The following FAM168A variants were observed in gnomAD, a reference collection of about 807,000 sequenced individuals.
FAM168A encodes protein FAM168A.
A neutral mutation model predicts 28.5 loss-of-function variants in FAM168A; 3 were observed. The ratio of observed to expected loss-of-function variants is 0.11; its 90% CI spans 0.05 to 0.27. The LOEUF (loss-of-function observed/expected upper bound fraction) is 0.27, where lower values mean the gene tolerates loss of function less well. Among genes scored for constraint, FAM168A ranks in the 10% least tolerant of loss-of-function variants. The pLI, the probability that FAM168A is intolerant of heterozygous loss-of-function variation, is 1.00. For synonymous variants in FAM168A, 122 were observed against 124.2 expected, an observed-to-expected ratio of 0.98 and a Z score of 0.12; for missense variants, 222 against 311.5, an observed-to-expected ratio of 0.71 and a Z score of 2.16.
intron 1 of FAM168A, among the ~76,000 whole-genome samples, chr11:73,564,327 A>C (rs921267200): frequency 2.0e-5 from 3 of 152,342 alleles, no homozygotes; most frequent in African/African-American, 7.2e-5. Context: ...TGAGATAAGA[A>C]GGAAGCTACA....
At position 73,409,532 on chromosome 11, in the gene FAM168A, C is replaced by T; in HGVS notation, c.550G>A (p.Val184Met). The T allele has an allele frequency of 6.2e-7, 1 of 1,614,020 alleles. No individual in the cohort carries two copies. Among genetic ancestry groups the T allele is most frequent in the Non-Finnish European group, 8.5e-7 (1 of 1,179,968 alleles). ...GTGCCTGCCACCATGCCCATGGCCA[C>T]ACCGTTGGTCCTCGGGGCGGCAACA... ...APVAAPRTNGVAMGMVAGTTM... is the reference protein window; with the variant it reads ...APVAAPRTNGMAMGMVAGTTM... Residue 184 changes from valine (V) to methionine (M), a missense_variant, in exon 6 of 8, where the codon GTG (valine) becomes ATG (methionine). Val to Met is a conservative substitution (Grantham distance 21). Transcript: ENST00000356467.
intron 1 of FAM168A, among the ~76,000 whole-genome samples, chr11:73,540,220 T>G (rs1943637139): frequency 6.6e-6 from 1 of 152,198 alleles, no homozygotes; most frequent in South Asian, 2.1e-4. Flanking sequence ...CAAATTAAAC[T>G]GATTTGATAA....
chr11:73,443,805 C>A (rs1867248856), intron 2 of FAM168A, among the ~76,000 whole-genome samples: 1 of 152,180 alleles, frequency 6.6e-6, no homozygotes, highest in South Asian at 2.1e-4. Flanking sequence ...AGTTAACTTA[C>A]TTATTGGTAA....
chr11:73,522,794 C>T (rs1390313054), intron 1 of FAM168A, among the ~76,000 whole-genome samples: 1 of 151,778 alleles, frequency 6.6e-6, no homozygotes, highest in Admixed American at 6.6e-5. Context: ...GGGTGGATCA[C>T]CTGAAGTCAG....
chr11:73,578,139 A>G (rs1222904664), intron 1 of FAM168A, among the ~76,000 whole-genome samples: 9 of 152,188 alleles, frequency 5.9e-5, no homozygotes, highest in South Asian at 2.1e-4. Context: ...ATCTTCTCCA[A>G]TGGTCCTTTG....
At chr11:73,423,017 C>T (rs1866825886) in intron 3 of FAM168A, among the ~76,000 whole-genome samples, 1 of 152,206 alleles carries the variant, frequency 6.6e-6, no homozygotes, top group African/African-American at 2.4e-5. Flanking sequence ...CTGGGCTCTG[C>T]CACTTATTAG....
intron 1 of FAM168A, among the ~76,000 whole-genome samples, chr11:73,507,801 G>C (rs1364668723): frequency 2.0e-5 from 3 of 152,080 alleles, no homozygotes; most frequent in Non-Finnish European, 4.4e-5. Context: ...ACCAAATATG[G>C]ATCACAGGAT....
chr11:73,568,853 C>G (rs1176659186), intron 1 of FAM168A, among the ~76,000 whole-genome samples: 1 of 152,026 alleles, frequency 6.6e-6, no homozygotes, highest in Non-Finnish European at 1.5e-5. Flanking sequence ...CAAAATCCAG[C>G]CACTGCACAA....
intron 2 of FAM168A, among the ~76,000 whole-genome samples, chr11:73,459,002 T>C (rs1354671254): frequency 6.6e-6 from 1 of 152,246 alleles, no homozygotes; most frequent in Non-Finnish European, 1.5e-5. Context: ...GTGCTTCTTA[T>C]GTATTATTAT....
intron 1 of FAM168A, among the ~76,000 whole-genome samples, chr11:73,485,532 G>A (rs1035001494): frequency 1.1e-4 from 17 of 152,146 alleles, no homozygotes; most frequent in African/African-American, 4.1e-4. Flanking sequence ...TCTGGTCACC[G>A]GAAAGCTGAG....
chr11:73,559,339 G>A (rs966529456), intron 1 of FAM168A, among the ~76,000 whole-genome samples: 8 of 151,990 alleles, frequency 5.3e-5, no homozygotes, highest in East Asian at 3.9e-4. Context: ...TCCAGGAGGC[G>A]GAGGATGCAG....
intron 1 of FAM168A, among the ~76,000 whole-genome samples, chr11:73,569,805 T>C (rs776407897): frequency 1.1e-4 from 16 of 148,038 alleles, no homozygotes; most frequent in South Asian, 4.3e-4. Flanking sequence ...GCCTGGGCAA[T>C]AGAGTGAGAC....
intron 1 of FAM168A, among the ~76,000 whole-genome samples, chr11:73,556,702 T>C (rs529727310): frequency 4.6e-5 from 7 of 152,144 alleles, no homozygotes; most frequent in Non-Finnish European, 7.4e-5. Context: ...ATAAATTTTA[T>C]GTTATATGTA....
intron 1 of FAM168A, among the ~76,000 whole-genome samples, chr11:73,501,535 C>G (rs1359358792): frequency 6.6e-6 from 1 of 152,198 alleles, no homozygotes; most frequent in African/African-American, 2.4e-5. Flanking sequence ...GATTAAGAAA[C>G]TCGCTCAAAA....
chr11:73,596,788 A>C (rs675832), intron 1 of FAM168A, among the ~76,000 whole-genome samples: 63 of 151,872 alleles, frequency 4.1e-4, no homozygotes, highest in African/African-American at 1.5e-3. Flanking sequence ...TGCCCCATCC[A>C]TACCAACAGC....
rs190060115 is a variant in FAM168A at position 73,436,999 on chromosome 11, T to C, written c.71-6229A>G. Among the ~76,000 whole-genome samples, 178 of 152,088 alleles carry C rather than the reference T, an allele frequency of 1.2e-3. 1 individual carries two copies. The highest frequency in any genetic ancestry group is 4.1e-3 in the African/African-American group (171 of 41,476). ...GTATCACAGGCACTGAATTATAGAG[T>C]TGGAAGGGGTATTAGAGGTGATTGA... is the stretch of plus-strand genomic sequence containing the variant. On this transcript the variant is annotated intron_variant, in intron 2 of 7. Transcript: ENST00000356467.
chr11:73,581,349 A>G (rs1944241890), intron 1 of FAM168A, among the ~76,000 whole-genome samples: 1 of 152,228 alleles, frequency 6.6e-6, no homozygotes, highest in Non-Finnish European at 1.5e-5. Flanking sequence ...ACAGAATATA[A>G]TACTTGTATA....
chr11:73,468,629 C>T (rs2134576625), intron 1 of FAM168A, 137 bp from the exon 2 acceptor site: 1 of 670,408 alleles, frequency 1.5e-6, no homozygotes, highest in African/African-American at 1.8e-5. Context: ...ACAAAAAAGC[C>T]AATTTGCTTG....
chr11:73,553,708 G>A (rs1027104897), intron 1 of FAM168A, among the ~76,000 whole-genome samples: 2 of 152,156 alleles, frequency 1.3e-5, no homozygotes, highest in Non-Finnish European at 2.9e-5. Flanking sequence ...CTGGCCGGGC[G>A]CAGTGGCTCA....
Sources: allele counts gnomAD v4.1 joint callset (sites outside exome capture counted in the v4.1 genomes callset), GRCh38; gene constraint gnomAD v4.1.1; transcripts MANE v1.5; gene names NCBI Gene and HGNC (gene_info 2026-07-23, HGNC 2026-07-21).